The following MARCHF1 variants were observed in gnomAD, a reference collection of about 807,000 sequenced individuals.
MARCHF1 encodes E3 ubiquitin-protein ligase MARCHF1.
A neutral mutation model predicts 54.2 loss-of-function variants in MARCHF1; 40 were observed. The ratio of observed to expected loss-of-function variants is 0.74; its 90% CI spans 0.57 to 0.96. The LOEUF is 0.96. Among genes scored for constraint, MARCHF1 ranks in the 40% least tolerant of loss-of-function variants. The pLI is 0.00. For synonymous variants in MARCHF1, 236 were observed against 236.3 expected (o/e 1.00, Z 0.01); for missense variants, 586 against 656.5 (o/e 0.89, Z 1.17).
At chr4:164,208,365 C>G (rs1731671090) in intron 1 of MARCHF1, among the ~76,000 whole-genome samples, 2 of 152,212 alleles carry the variant, frequency 1.3e-5, no homozygotes, top group African/African-American at 4.8e-5. Context: ...CCCCTACCTC[C>G]CTTGCAAACT....
chr4:164,377,444 T>G (rs1240945080), intron 1 of MARCHF1, among the ~76,000 whole-genome samples: 1 of 152,162 alleles, frequency 6.6e-6, no homozygotes, highest in Admixed American at 6.5e-5. Context: ...GAGCCAACAG[T>G]TGGAAAAATA....
chr4:164,315,231 C>CAAAAAAAAAAAA (rs58264322), intron 1 of MARCHF1, among the ~76,000 whole-genome samples: 2 of 100,680 alleles, frequency 2.0e-5, no homozygotes, highest in Non-Finnish European at 4.1e-5. Flanking sequence ...GTTAATTTAA[C>CAAAAAAAAAAAA]AAAAAAAAAA....
chr4:164,050,189 C>A (rs1386910359), intron 2 of MARCHF1, among the ~76,000 whole-genome samples: 4 of 141,970 alleles, frequency 2.8e-5, no homozygotes, highest in Non-Finnish European at 6.1e-5. Context: ...GCAGGAGAAT[C>A]GCTTGAACCC....
At chr4:164,166,101 C>A (rs1730373135) in intron 1 of MARCHF1, among the ~76,000 whole-genome samples, 2 of 151,920 alleles carry the variant, frequency 1.3e-5, no homozygotes, top group Admixed American at 6.6e-5. Flanking sequence ...GACACACTCC[C>A]ACTGGAATTT....
At chr4:163,629,192 CT>C (rs1741980532) in intron 5 of MARCHF1, among the ~76,000 whole-genome samples, 1 of 152,158 alleles carries the variant, frequency 6.6e-6, no homozygotes, top group East Asian at 1.9e-4. Context: ...CAGCATGGTA[CT>C]GGTACCAAAA....
chr4:164,238,345 G>A (rs2111199581), intron 1 of MARCHF1, among the ~76,000 whole-genome samples: 1 of 152,126 alleles, frequency 6.6e-6, no homozygotes, highest in African/African-American at 2.4e-5. Context: ...CCATTAGAAA[G>A]TTGAATCAAC....
At chr4:163,779,218 C>T (rs1234338171) in intron 4 of MARCHF1, among the ~76,000 whole-genome samples, 2 of 152,082 alleles carry the variant, frequency 1.3e-5, no homozygotes, top group African/African-American at 4.8e-5. Flanking sequence ...ACTTAACTAG[C>T]TTTTTGTCTT....
intron 1 of MARCHF1, among the ~76,000 whole-genome samples, chr4:164,176,647 A>G (rs908583300): frequency 1.3e-5 from 2 of 152,048 alleles, no homozygotes; most frequent in Non-Finnish European, 2.9e-5. Flanking sequence ...TCTAAGATGC[A>G]GCTTTTCTGA....
chr4:163,654,993 T>C (rs1579162631), intron 5 of MARCHF1, among the ~76,000 whole-genome samples: 1 of 151,608 alleles, frequency 6.6e-6, no homozygotes, highest in East Asian at 1.9e-4. Context: ...TACTATCTTG[T>C]TCAAATTTAA....
intron 2 of MARCHF1, among the ~76,000 whole-genome samples, chr4:164,076,496 C>T (rs914111091): frequency 6.6e-6 from 1 of 152,176 alleles, no homozygotes; most frequent in Non-Finnish European, 1.5e-5. Context: ...AGGATGCCCT[C>T]TCTCACCACT....
chr4:163,624,140 A>G (rs1285118381), intron 5 of MARCHF1, among the ~76,000 whole-genome samples: 1 of 152,162 alleles, frequency 6.6e-6, no homozygotes, highest in African/African-American at 2.4e-5. Context: ...TGCAGTTGTT[A>G]ACTGTTCCAA....
At chr4:163,998,599 TCTAA>T (rs1446617907) in intron 2 of MARCHF1, among the ~76,000 whole-genome samples, 2 of 151,716 alleles carry the variant, frequency 1.3e-5, no homozygotes, top group African/African-American at 4.8e-5. Flanking sequence ...ATATCTTCTA[TCTAA>T]CTAAAATTTT....
intron 3 of MARCHF1, among the ~76,000 whole-genome samples, chr4:163,976,351 TG>T (rs1299606750): frequency 6.6e-6 from 1 of 152,182 alleles, no homozygotes; most frequent in African/African-American, 2.4e-5. Context: ...CCTAGACTTG[TG>T]TTTGATGACA....
intron 1 of MARCHF1, among the ~76,000 whole-genome samples, chr4:164,240,130 C>T (rs1732695172): frequency 6.6e-6 from 1 of 152,094 alleles, no homozygotes; most frequent in African/African-American, 2.4e-5. Context: ...AAATAAGAAC[C>T]AGGAGACCTG....
At chr4:164,199,608 C>G (rs568372905) in intron 1 of MARCHF1, among the ~76,000 whole-genome samples, 1 of 144,328 alleles carries the variant, frequency 6.9e-6, no homozygotes, top group African/African-American at 2.5e-5. Flanking sequence ...TACACTCCAG[C>G]CTGGGTGACA....
intron 1 of MARCHF1, among the ~76,000 whole-genome samples, chr4:164,367,975 C>T (rs2110946403): frequency 6.6e-6 from 1 of 151,296 alleles, no homozygotes; most frequent in South Asian, 2.1e-4. Context: ...TGTGAAAATA[C>T]ACCCCTTGAA....
chr4:164,042,564 AC>A (rs1330139791), intron 2 of MARCHF1, among the ~76,000 whole-genome samples: 1 of 152,182 alleles, frequency 6.6e-6, no homozygotes, highest in African/African-American at 2.4e-5. Context: ...CTCCAATTCA[AC>A]ATGAGATTTA....
At chr4:164,216,115 A>C (rs1273295408) in intron 1 of MARCHF1, among the ~76,000 whole-genome samples, 1 of 152,242 alleles carries the variant, frequency 6.6e-6, no homozygotes, top group Non-Finnish European at 1.5e-5. Flanking sequence ...CTGCATTGAA[A>C]GTCTCTGTGA....
At chr4:164,136,303 G>A (rs1756402079) in intron 1 of MARCHF1, among the ~76,000 whole-genome samples, 1 of 147,200 alleles carries the variant, frequency 6.8e-6, no homozygotes, top group Non-Finnish European at 1.5e-5. Flanking sequence ...AAGAATAGAT[G>A]CATTGAAGAG....
Sources: allele counts gnomAD v4.1 joint callset (sites outside exome capture counted in the v4.1 genomes callset), GRCh38; gene constraint gnomAD v4.1.1; transcripts MANE v1.5; gene names NCBI Gene and HGNC (gene_info 2026-07-23, HGNC 2026-07-21).